The following ERC1 variants were observed in gnomAD, a reference collection of about 807,000 sequenced individuals.
ERC1 encodes the protein RAB6 interacting protein 2.
Under a neutral mutation model 132.0 loss-of-function variants are expected in ERC1, and 56 were observed. That is an observed-to-expected ratio of 0.42 (90% CI 0.34 to 0.53). The LOEUF (loss-of-function observed/expected upper bound fraction) is 0.53. Among genes scored for constraint, ERC1 ranks in the 20% least tolerant of loss-of-function variants. The pLI, the probability that ERC1 is intolerant of heterozygous loss-of-function variation, is 0.03. For synonymous variants in ERC1, 478 were observed against 476.1 expected (o/e 1.00, Z -0.05); for missense variants, 1,202 against 1,349.9 (o/e 0.89, Z 1.72).
At chr12:1,405,174 A>AATAAATAAATAAATAAATAT (rs1220136729) in intron 16 of ERC1, among the ~76,000 whole-genome samples, 1 of 148,648 alleles carries the variant, frequency 6.7e-6, no homozygotes, top group African/African-American at 2.5e-5. Context: ...TAAATAAATA[A>AATAAATAAATAAATAAATAT]ATAAATATAA....
Position 1,289,000 on chromosome 12 carries a change from G to A in ERC1, c.2620-852G>A, listed in dbSNP as rs112149580. 6.5e-3 allele frequency among the ~76,000 whole-genome samples: 838 copies of A among 128,830 alleles called. 14 individuals carry two copies. The highest frequency in any genetic ancestry group is 0.023 in the African/African-American group (789 of 35,062). The allele number at this position is 128,830 out of a possible 152,430, so 84.5% of individuals were successfully genotyped here. On this transcript the variant is annotated intron_variant, in intron 14 of 18. Transcript: ENST00000360905. ...CTTCTCTGGTGGCTTTTTGTTTGTT[G>A]TTTTTCAGGTCTGTTGCTGTCAAGG...
chr12:1,404,666 T>A (rs946867612), intron 16 of ERC1, among the ~76,000 whole-genome samples: 1 of 149,686 alleles, frequency 6.7e-6, no homozygotes, highest in African/African-American at 2.6e-5. Context: ...TTTTCAACTT[T>A]TATTTTAGAT....
chr12:1,043,216 G>A (rs754573093), intron 2 of ERC1, among the ~76,000 whole-genome samples: 2 of 151,636 alleles, frequency 1.3e-5, no homozygotes, highest in Non-Finnish European at 2.9e-5. Flanking sequence ...GCTAATTTTT[G>A]TATTTTTTAG....
intron 14 of ERC1, among the ~76,000 whole-genome samples, chr12:1,271,174 T>A (rs1794381919): frequency 6.6e-6 from 1 of 152,190 alleles, no homozygotes; most frequent in Non-Finnish European, 1.5e-5. Flanking sequence ...ATTTTAAAAA[T>A]CATAGTTGTA....
chr12:1,077,491 A>G (rs1941534812), intron 2 of ERC1, among the ~76,000 whole-genome samples: 1 of 150,718 alleles, frequency 6.6e-6, no homozygotes, highest in Admixed American at 6.6e-5. Context: ...TGTTCACAAT[A>G]TCCTACCATT....
intron 1 of ERC1, among the ~76,000 whole-genome samples, chr12:1,024,407 G>A (rs995760493): frequency 1.3e-5 from 2 of 151,834 alleles, no homozygotes; most frequent in South Asian, 2.1e-4. Flanking sequence ...AACATCTCCC[G>A]CCTCTCCACC....
At position 1,429,937 on chromosome 12, in the gene ERC1, A is replaced by G. The variant is rs188928326; in HGVS notation, c.3025-14625A>G. ...CAAAGTGTGGCAGCATAAAACAACAATAAATGATTTTCATCTCAGTGGTTT... is the reference window on the plus strand; with the variant it reads ...CAAAGTGTGGCAGCATAAAACAACAGTAAATGATTTTCATCTCAGTGGTTT... On this transcript the variant is annotated intron_variant, in intron 17 of 18. Transcript: ENST00000360905. Among the ~76,000 whole-genome samples the G allele has an allele frequency of 1.8e-3, 278 of 152,332 alleles. 2 individuals carry two copies. Among genetic ancestry groups the G allele is most frequent in the Admixed American group, 5.4e-3 (82 of 15,304 alleles).
chr12:1,436,526 A>C (rs2092953522), intron 17 of ERC1, among the ~76,000 whole-genome samples: 1 of 152,162 alleles, frequency 6.6e-6, no homozygotes, highest in South Asian at 2.1e-4. Flanking sequence ...GAGAAAGGAG[A>C]AGATAAAATG....
intron 8 of ERC1, among the ~76,000 whole-genome samples, chr12:1,173,318 G>C (rs890347916): frequency 1.3e-5 from 2 of 152,090 alleles, no homozygotes; most frequent in Non-Finnish European, 2.9e-5. Flanking sequence ...TCAGTACCTG[G>C]CATGTTTTTA....
chr12:1,039,816 A>G (rs555632218), intron 2 of ERC1, among the ~76,000 whole-genome samples: 3 of 152,328 alleles, frequency 2.0e-5, no homozygotes, highest in African/African-American at 7.2e-5. Flanking sequence ...TCACTTTTCT[A>G]GTTAATTCAG....
Position 1,183,325 on chromosome 12 carries a change from C to A in ERC1, c.2061C>A (p.Ser687=). The A allele has an allele frequency of 6.3e-7, 1 of 1,592,878 alleles. No homozygotes were observed. Among genetic ancestry groups the A allele is most frequent in the Non-Finnish European group, 8.6e-7 (1 of 1,165,896 alleles). ...DLKEHASSLA[S]SGLKKDSRLK... Reference sequence around the variant, plus strand: ...AAGAGCATGCTTCTTCTCTGGCATCCTCAGGACTGAAAAAGGACTCACGGC... The same window carrying A: ...AAGAGCATGCTTCTTCTCTGGCATCATCAGGACTGAAAAAGGACTCACGGC... The change falls in exon 11 of 19, where the codon TCC becomes TCA. Residue 687 remains serine, a synonymous_variant. Coordinates refer to ENST00000360905, the MANE Select transcript of ERC1 (RefSeq NM_178040.4).
At chr12:1,220,943 C>T (rs1958925193) in intron 12 of ERC1, among the ~76,000 whole-genome samples, 1 of 152,202 alleles carries the variant, frequency 6.6e-6, no homozygotes, top group Non-Finnish European at 1.5e-5. Context: ...ACTTCCTTCA[C>T]ATCTTTGCTT....
At chr12:1,279,838 G>A (rs2078552807) in intron 14 of ERC1, among the ~76,000 whole-genome samples, 1 of 152,078 alleles carries the variant, frequency 6.6e-6, no homozygotes, top group African/African-American at 2.4e-5. Flanking sequence ...TGGGACTACA[G>A]GCGTGCGCCA....
intron 15 of ERC1, among the ~76,000 whole-genome samples, chr12:1,295,819 A>G (rs2079876593): frequency 6.6e-6 from 1 of 152,190 alleles, no homozygotes; most frequent in Admixed American, 6.5e-5. Flanking sequence ...GGAGTCAACT[A>G]TTAACTGACT....
chr12:1,346,077 A>G lies in ERC1; in HGVS notation c.2781-25756A>G, dbSNP rs576785688. The stretch of plus-strand genomic sequence containing the variant: ...GGAATTGACTTCAGCCTGCTTTTCT[A>G]TAACCTGGGAAATGTGAGGAGCTAG... On this transcript the variant is annotated intron_variant, in intron 15 of 18. Coordinates refer to ENST00000360905, the MANE Select transcript of ERC1 (RefSeq NM_178040.4). Among the ~76,000 whole-genome samples, 12 of 152,290 alleles carry G rather than the reference A, an allele frequency of 7.9e-5. No homozygotes were observed. The East Asian group carries it at 2.3e-3, about 29-fold the overall frequency.
chr12:1,364,856 T>C (rs1392140205), intron 15 of ERC1, among the ~76,000 whole-genome samples: 1 of 152,222 alleles, frequency 6.6e-6, no homozygotes, highest in Admixed American at 6.5e-5. Flanking sequence ...CACCTAGTCA[T>C]GGGAAGATCT....
At chr12:1,464,334 G>A (rs538714523) in intron 18 of ERC1, among the ~76,000 whole-genome samples, 1 of 152,070 alleles carries the variant, frequency 6.6e-6, no homozygotes, top group African/African-American at 2.4e-5. Context: ...GGGAGTTCTG[G>A]TGTTCGTGGC....
intron 14 of ERC1, among the ~76,000 whole-genome samples, chr12:1,286,341 A>G (rs2079045012): frequency 6.6e-6 from 1 of 151,966 alleles, no homozygotes; most frequent in Non-Finnish European, 1.5e-5. Flanking sequence ...CCATCACAGT[A>G]AAAGATGATA....
At chr12:1,214,887 TATAG>T (rs1439750133) in intron 12 of ERC1, among the ~76,000 whole-genome samples, 1 of 152,166 alleles carries the variant, frequency 6.6e-6, no homozygotes, top group Middle Eastern at 3.2e-3. Context: ...CTAAAGATCA[TATAG>T]ATAATGAATA....
Sources: gnomAD v4.1 joint callset for allele counts (sites outside exome capture counted in the v4.1 genomes callset) on GRCh38, gnomAD v4.1.1 for gene constraint, MANE v1.5 for transcripts, NCBI Gene and HGNC (gene_info 2026-07-23, HGNC 2026-07-21) for gene names.